The following ADGRB3 variants were observed in gnomAD, a reference collection of about 807,000 sequenced individuals.
ADGRB3 encodes adhesion G protein-coupled receptor B3.
In ADGRB3, 37 loss-of-function variants were observed where a neutral mutation model predicts 193.4. The ratio of observed to expected loss-of-function variants is 0.19; its 90% CI spans 0.15 to 0.25. The LOEUF (loss-of-function observed/expected upper bound fraction) is 0.25, where lower values mean the gene tolerates loss of function less well. Ranked by LOEUF, ADGRB3 falls within the 10% of genes least tolerant of loss-of-function variation. The probability of loss-of-function intolerance (pLI) is 1.00; values close to 1 mark genes in which losing one functional copy is unlikely to be tolerated. For missense variants in ADGRB3, 1,637 were observed against 1,852.9 expected, an observed-to-expected ratio of 0.88 and a Z score of 2.14; for synonymous variants, 690 against 644.2, an observed-to-expected ratio of 1.07 and a Z score of -1.08.
intron 3 of ADGRB3, among the ~76,000 whole-genome samples, chr6:68,772,869 ACAAACAAACAAAC>A (rs1766646540): frequency 8.3e-5 from 2 of 24,176 alleles, no homozygotes; most frequent in Non-Finnish European, 1.6e-4. Flanking sequence ...AAACAAACAA[ACAAACAAACAAAC>A]AAAAAAAAAA....
chr6:68,958,870 A>AAATTGTGT (rs1554227911), intron 8 of ADGRB3, among the ~76,000 whole-genome samples: 1 of 147,234 alleles, frequency 6.8e-6, no homozygotes, highest in African/African-American at 2.5e-5. Context: ...AAAGAAAAAT[A>AAATTGTGT]GTGTGTGTGT....
intron 3 of ADGRB3, among the ~76,000 whole-genome samples, chr6:68,785,064 TTCA>T (rs764487765): frequency 2.0e-5 from 3 of 152,134 alleles, no homozygotes; most frequent in Non-Finnish European, 4.4e-5. Flanking sequence ...CTCCTAGAGC[TTCA>T]TCATCACTAT....
At chr6:68,861,686 A>G (rs1765160621) in intron 3 of ADGRB3, among the ~76,000 whole-genome samples, 1 of 152,166 alleles carries the variant, frequency 6.6e-6, no homozygotes, top group Non-Finnish European at 1.5e-5. Context: ...CAGTTTCCAA[A>G]TTGTAGGTTA....
chr6:68,775,522 G>A (rs1363630595), intron 3 of ADGRB3, among the ~76,000 whole-genome samples: 1 of 152,120 alleles, frequency 6.6e-6, no homozygotes, highest in Admixed American at 6.6e-5. Flanking sequence ...TACTTCCAAA[G>A]AGGGGCCCAA....
chr6:69,183,368 G>A (rs1223961842), intron 17 of ADGRB3, among the ~76,000 whole-genome samples: 1 of 152,018 alleles, frequency 6.6e-6, no homozygotes, highest in Non-Finnish European at 1.5e-5. Context: ...TGTTATAAGT[G>A]CCTCTTTTTA....
chr6:68,962,788 T>C (rs111689420), intron 8 of ADGRB3, among the ~76,000 whole-genome samples: 63 of 152,326 alleles, frequency 4.1e-4, no homozygotes, highest in Non-Finnish European at 7.8e-4. Context: ...AATATTGGTC[T>C]TTGATGTTTC....
At chr6:69,205,569 G>T (rs564835067) in intron 17 of ADGRB3, among the ~76,000 whole-genome samples, 38 of 152,204 alleles carry the variant, frequency 2.5e-4, no homozygotes, top group African/African-American at 9.2e-4. Flanking sequence ...GGTTCTGGAG[G>T]CTGGGAATTT....
At chr6:68,874,094 A>T (rs1765527696) in intron 3 of ADGRB3, among the ~76,000 whole-genome samples, 1 of 152,072 alleles carries the variant, frequency 6.6e-6, no homozygotes, top group Admixed American at 6.6e-5. Flanking sequence ...GACTTTTAGG[A>T]ATTTTTATGA....
intron 3 of ADGRB3, among the ~76,000 whole-genome samples, chr6:68,689,148 A>C: frequency 6.6e-6 from 1 of 152,158 alleles, no homozygotes; most frequent in Non-Finnish European, 1.5e-5. Flanking sequence ...AACAGTGGGA[A>C]GTTGTCAGCT....
chr6:69,297,692 A>G (rs1767859603), intron 20 of ADGRB3, among the ~76,000 whole-genome samples: 1 of 152,018 alleles, frequency 6.6e-6, no homozygotes, highest in Admixed American at 6.6e-5. Flanking sequence ...GTAATTTGCA[A>G]GGTTTTTTTA....
intron 24 of ADGRB3, among the ~76,000 whole-genome samples, chr6:69,333,993 A>C (rs1582639035): frequency 8.3e-6 from 1 of 120,780 alleles, no homozygotes; most frequent in East Asian, 2.1e-4. Context: ...AAATAAAATA[A>C]AATAAAATAA....
chr6:69,348,472 C>G, intron 26 of ADGRB3, among the ~76,000 whole-genome samples: 1 of 148,276 alleles, frequency 6.7e-6, no homozygotes, highest in Admixed American at 6.8e-5. Flanking sequence ...CATGGTGAAA[C>G]CCTGTCTTTA....
chr6:69,330,711 T>C (rs1294275317), intron 23 of ADGRB3, 139 bp downstream of exon 23: 16 of 514,480 alleles, frequency 3.1e-5, no homozygotes, highest in Non-Finnish European at 5.2e-5. Context: ...TCTAATTGAA[T>C]ATAAATTATT....
intron 10 of ADGRB3, among the ~76,000 whole-genome samples, chr6:68,979,861 TCTC>T (rs375022224): frequency 6.6e-6 from 1 of 151,496 alleles, no homozygotes; most frequent in African/African-American, 2.4e-5. Flanking sequence ...CTCTCTTCTC[TCTC>T]CTCTTCCTCC....
intron 17 of ADGRB3, among the ~76,000 whole-genome samples, chr6:69,091,914 A>C (rs775387010): frequency 1.3e-5 from 2 of 152,216 alleles, no homozygotes; most frequent in Non-Finnish European, 1.5e-5. Flanking sequence ...ATAACTTTTA[A>C]TTATAAAGTT....
intron 3 of ADGRB3, among the ~76,000 whole-genome samples, chr6:68,729,450 G>A (rs1765730885): frequency 6.6e-6 from 1 of 151,662 alleles, no homozygotes. Context: ...TGGAGAGCTT[G>A]ATGAATACTG....
chr6:69,334,215 C>G (rs1396305567), intron 24 of ADGRB3, among the ~76,000 whole-genome samples: 1 of 151,812 alleles, frequency 6.6e-6, no homozygotes, highest in Non-Finnish European at 1.5e-5. Flanking sequence ...AAAACTTACC[C>G]ATGTAATATT....
chr6:69,229,853 AC>A (rs1766094947), intron 17 of ADGRB3, among the ~76,000 whole-genome samples: 1 of 152,226 alleles, frequency 6.6e-6, no homozygotes, highest in South Asian at 2.1e-4. Flanking sequence ...CTCCTAGGAA[AC>A]CGGGGAAAGG....
intron 3 of ADGRB3, among the ~76,000 whole-genome samples, chr6:68,898,006 G>GTA (rs1289089076): frequency 1.0e-4 from 15 of 146,140 alleles, no homozygotes; most frequent in African/African-American, 2.7e-4. Context: ...TAATAAAAAT[G>GTA]TATATATATA....
Sources: gnomAD v4.1 joint callset for allele counts (sites outside exome capture counted in the v4.1 genomes callset) on GRCh38, gnomAD v4.1.1 for gene constraint, MANE v1.5 for transcripts, NCBI Gene and HGNC (gene_info 2026-07-23, HGNC 2026-07-21) for gene names.